Variants in KCNH8 observed in about 807,000 individuals in gnomAD.
KCNH8 encodes the protein voltage-gated delayed rectifier potassium channel KCNH8.
A neutral mutation model predicts 103.6 loss-of-function variants in KCNH8; 70 were observed. The observed-to-expected ratio is 0.68, with a 90% CI of 0.56 to 0.82. The LOEUF (loss-of-function observed/expected upper bound fraction) is 0.82. KCNH8 is among the 40% of genes least tolerant of loss of function. The probability of loss-of-function intolerance (pLI) is 0.00; values close to 1 mark genes in which losing one functional copy is unlikely to be tolerated. For missense variants in KCNH8, 1,217 were observed against 1,329.9 expected (o/e 0.92, Z 1.32); for synonymous variants, 498 against 489.4 (o/e 1.02, Z -0.23).
rs376754769 is a variant in KCNH8 at position 19,288,108 on chromosome 3, T to A, written c.442+6779T>A. ...CTACTTTAGTTCATAGTAAGTGTCC[T>A]TCCCTTAAAACACTCTATTCCTTGC... is the stretch of plus-strand genomic sequence containing the variant. On this transcript the variant is annotated intron_variant, in intron 3 of 15. Transcript: ENST00000328405. 1.1e-4 allele frequency among the ~76,000 whole-genome samples: 16 copies of A among 150,934 alleles called. 2 individuals carry two copies. The highest frequency in any genetic ancestry group is 5.9e-4 in the East Asian group (3 of 5,056).
intron 2 of KCNH8, among the ~76,000 whole-genome samples, chr3:19,266,276 T>G (rs1040374605): frequency 6.6e-6 from 1 of 152,100 alleles, no homozygotes; most frequent in African/African-American, 2.4e-5. Flanking sequence ...ATCATTCCCA[T>G]GTCAGCACAT....
At position 19,525,003 on chromosome 3, in the gene KCNH8, T is replaced by C. The variant is rs548107279; in HGVS notation, c.2619+6929T>C. ...GTCGGTTGTCAGAAGCTGTGCTCTT[T>C]TGTTTTGTAGTGACATAGTGACTAC... is the stretch of plus-strand genomic sequence containing the variant. On this transcript the variant is annotated intron_variant, in intron 15 of 15. Transcript: ENST00000328405. Among the ~76,000 whole-genome samples the C allele has an allele frequency of 1.9e-4, 29 of 151,952 alleles. No homozygotes were observed. The South Asian group carries it at 6.0e-3, about 32-fold the overall frequency.
chr3:19,302,919 T>C (rs574711680), intron 3 of KCNH8, among the ~76,000 whole-genome samples: 1 of 152,312 alleles, frequency 6.6e-6, no homozygotes, highest in East Asian at 1.9e-4. Flanking sequence ...ATTATGACTG[T>C]CATTCAAGTC....
intron 11 of KCNH8, among the ~76,000 whole-genome samples, chr3:19,461,489 A>G (rs2067627255): frequency 6.6e-6 from 1 of 152,166 alleles, no homozygotes; most frequent in Non-Finnish European, 1.5e-5. Flanking sequence ...TGATTTTCAC[A>G]GACAAAACCA....
chr3:19,364,605 C>T (rs2065987553), intron 5 of KCNH8, among the ~76,000 whole-genome samples: 1 of 152,012 alleles, frequency 6.6e-6, no homozygotes, highest in Non-Finnish European at 1.5e-5. Flanking sequence ...ACTACACTAC[C>T]ACTTCAGATT....
chr3:19,449,696 T>G (rs1376469238), intron 8 of KCNH8, among the ~76,000 whole-genome samples: 1 of 152,074 alleles, frequency 6.6e-6, no homozygotes, highest in Non-Finnish European at 1.5e-5. Context: ...AAACTATAAC[T>G]TTATAGCTTT....
chr3:19,195,943 C>G (rs74455049), intron 1 of KCNH8, among the ~76,000 whole-genome samples: 6,287 of 152,046 alleles, frequency 0.041, 466 homozygotes, highest in African/African-American at 0.14. Context: ...CTTCTTCTAG[C>G]CTTCTTGCAG....
chr3:19,338,043 T>C (rs1379383877), intron 3 of KCNH8, among the ~76,000 whole-genome samples: 1 of 151,884 alleles, frequency 6.6e-6, no homozygotes, highest in African/African-American at 2.4e-5. Context: ...TTCAAGTCGC[T>C]ACAAATATAT....
chr3:19,378,037 G>C (rs2066235449), intron 5 of KCNH8, among the ~76,000 whole-genome samples: 1 of 152,160 alleles, frequency 6.6e-6, no homozygotes, highest in Admixed American at 6.5e-5. Flanking sequence ...AGGTATATGT[G>C]TTGAGGGGAG....
chr3:19,520,753 ATG>A (rs781339469), intron 15 of KCNH8, among the ~76,000 whole-genome samples: 2 of 151,978 alleles, frequency 1.3e-5, no homozygotes, highest in African/African-American at 2.4e-5. Flanking sequence ...AACCGAAAAT[ATG>A]TGTGATACAT....
chr3:19,487,508 A>G (rs1166037463), intron 11 of KCNH8, among the ~76,000 whole-genome samples: 1 of 152,144 alleles, frequency 6.6e-6, no homozygotes, highest in East Asian at 1.9e-4. Context: ...GGATTCCCTC[A>G]AGAGCTTCTC....
intron 11 of KCNH8, among the ~76,000 whole-genome samples, chr3:19,470,675 G>C (rs1464456903): frequency 1.3e-5 from 2 of 152,176 alleles, no homozygotes; most frequent in East Asian, 3.9e-4. Flanking sequence ...GAAGAGTTGA[G>C]ATAAGAGACA....
At chr3:19,181,988 C>G (rs943708921) in intron 1 of KCNH8, among the ~76,000 whole-genome samples, 1 of 152,010 alleles carries the variant, frequency 6.6e-6, no homozygotes, top group Non-Finnish European at 1.5e-5. Flanking sequence ...AGAAAATGAC[C>G]AAATTCCTGG....
At chr3:19,436,137 C>A (rs545565666) in intron 7 of KCNH8, among the ~76,000 whole-genome samples, 2 of 152,166 alleles carry the variant, frequency 1.3e-5, no homozygotes, top group African/African-American at 4.8e-5. Context: ...TTATTTATTT[C>A]ATAAACCTAT....
At chr3:19,345,104 T>A (rs1446897155) in intron 4 of KCNH8, among the ~76,000 whole-genome samples, 2 of 152,108 alleles carry the variant, frequency 1.3e-5, no homozygotes, top group African/African-American at 4.8e-5. Flanking sequence ...TAACTTTGCC[T>A]GGTATACCTT....
intron 3 of KCNH8, among the ~76,000 whole-genome samples, chr3:19,288,379 C>G (rs1001975713): frequency 2.6e-5 from 4 of 151,540 alleles, no homozygotes; most frequent in East Asian, 1.9e-4. Flanking sequence ...TCCCTCCCCC[C>G]GTCCCCACAC....
At chr3:19,459,675 A>G (rs1439503750) in intron 11 of KCNH8, among the ~76,000 whole-genome samples, 1 of 152,096 alleles carries the variant, frequency 6.6e-6, no homozygotes, top group Non-Finnish European at 1.5e-5. Context: ...ATCATTGTCC[A>G]GACCAATGTC....
At chr3:19,331,249 T>TTTTTTTTATTTA (rs370945583) in intron 3 of KCNH8, among the ~76,000 whole-genome samples, 4 of 144,576 alleles carry the variant, frequency 2.8e-5, no homozygotes, top group African/African-American at 5.1e-5. Context: ...CTTTAATTAT[T>TTTTTTTTATTTA]TTTATTTATT....
At chr3:19,443,629 C>T (rs1198405514) in intron 8 of KCNH8, among the ~76,000 whole-genome samples, 2 of 151,412 alleles carry the variant, frequency 1.3e-5, no homozygotes, top group East Asian at 3.9e-4. Context: ...ATAGACAAAA[C>T]CATGTGAACT....
Sources: gnomAD v4.1 joint callset for allele counts (sites outside exome capture counted in the v4.1 genomes callset) on GRCh38, gnomAD v4.1.1 for gene constraint, MANE v1.5 for transcripts, NCBI Gene and HGNC (gene_info 2026-07-23, HGNC 2026-07-21) for gene names.